The following KIRREL3 variants were observed in gnomAD, a reference collection of about 807,000 sequenced individuals.
The protein encoded by KIRREL3 is kirre like nephrin family adhesion molecule 3, also known as kin of IRRE-like protein 3.
Under a neutral mutation model 89.7 loss-of-function variants are expected in KIRREL3, and 36 were observed. The ratio of observed to expected loss-of-function variants is 0.40; its 90% confidence interval spans 0.31 to 0.53. The LOEUF (loss-of-function observed/expected upper bound fraction) is 0.53. Ranked by LOEUF, KIRREL3 falls within the 20% of genes least tolerant of loss-of-function variation. KIRREL3 has a pLI of 0.49. For missense variants in KIRREL3, 864 were observed against 1,056.6 expected, an observed-to-expected ratio of 0.82 and a Z score of 2.53; for synonymous variants, 445 against 441.4, an observed-to-expected ratio of 1.01 and a Z score of -0.10.
chr11:126,463,432 T>C lies in KIRREL3; in HGVS notation c.592-125A>G. The C allele has an allele frequency of 1.0e-6, 1 of 976,884 alleles. No homozygotes were observed. Among genetic ancestry groups the C allele is most frequent in the Non-Finnish European group, 1.5e-6 (1 of 668,230 alleles). The allele number at this position is 976,884 out of a possible 1,614,324, so 60.5% of individuals were successfully genotyped here. On this transcript the variant is annotated intron_variant, in intron 5 of 16. Coordinates refer to ENST00000525144, the MANE Select transcript of KIRREL3 (RefSeq NM_032531.4). This position sits in a 1 kb window ranked among gnomAD's most constrained non-coding sequence, Gnocchi z 5.9. The stretch of plus-strand genomic sequence containing the variant: ...GAGCTGTGGATGGAGGGGTTCAGCT[T>C]AGGAGACCTGGGCTGCCCATGTCTA...
chr11:126,440,343 GA>G (rs1321510971), intron 11 of KIRREL3, 105 bp downstream of exon 11: 1 of 964,440 alleles, frequency 1.0e-6, no homozygotes, highest in Non-Finnish European at 1.6e-6. Flanking sequence ...CAGCAAGAAA[GA>G]GGAACCTCGG....
In KIRREL3 at chr11:126,898,818, G is replaced by A. The variant is rs538973786; in HGVS notation, c.55+101637C>T. On this transcript the variant is annotated intron_variant, in intron 1 of 16. Coordinates refer to ENST00000525144, the MANE Select transcript of KIRREL3 (RefSeq NM_032531.4). The surrounding 1 kb of genome is among the most constrained non-coding windows in gnomAD (Gnocchi z 4.9). The stretch of plus-strand genomic sequence containing the variant: ...AAGCTGAGAAATATGACTAACTCAA[G>A]TCTTTGCAGCTTATATTCAATTTAA... Among the ~76,000 whole-genome samples the A allele has an allele frequency of 6.6e-6, 1 of 152,254 alleles. No homozygotes were observed. Among genetic ancestry groups the A allele is most frequent in the South Asian group, 2.1e-4 (1 of 4,822 alleles).
intron 2 of KIRREL3, among the ~76,000 whole-genome samples, chr11:126,539,311 A>C (rs987007071): frequency 2.6e-5 from 4 of 152,188 alleles, no homozygotes; most frequent in Admixed American, 6.5e-5. Context: ...GTACAGCGCA[A>C]ATCTAGAAAG....
At chr11:126,792,614 C>G (rs1450436290) in intron 1 of KIRREL3, among the ~76,000 whole-genome samples, 1 of 152,140 alleles carries the variant, frequency 6.6e-6, no homozygotes, top group Non-Finnish European at 1.5e-5. Context: ...TTGTTTATAA[C>G]AGAGCCCAGA....
rs553941722 is a variant in KIRREL3, at chr11:126,976,404, T to C, written c.55+24051A>G. ...GAGTGTTTATGAACCGTTACATTAA[T>C]CTCCTGCAGATTTTTTTCTGGAGAT... On this transcript the variant is annotated intron_variant, in intron 1 of 16. Transcript: ENST00000525144. The surrounding 1 kb of genome is among the most constrained non-coding windows in gnomAD (Gnocchi z 4.2). 6.6e-6 allele frequency among the ~76,000 whole-genome samples: 1 copy of C among 152,344 alleles called. No individual in the cohort carries two copies. The highest frequency in any genetic ancestry group is 1.5e-5 in the Non-Finnish European group (1 of 68,036).
At chr11:126,632,316 GAAA>G (rs1334983142) in intron 1 of KIRREL3, among the ~76,000 whole-genome samples, 20 of 152,328 alleles carry the variant, frequency 1.3e-4, no homozygotes, top group Non-Finnish European at 2.6e-4. Flanking sequence ...CCTGGGGTGA[GAAA>G]TTTGTGTATG....
Position 126,943,812 on chromosome 11 carries a change from CA to C in KIRREL3, c.55+56642del, listed in dbSNP as rs1363542369. 2.0e-5 allele frequency among the ~76,000 whole-genome samples: 3 copies of C among 152,136 alleles called. No individual in the cohort carries two copies. Among genetic ancestry groups the C allele is most frequent in the Non-Finnish European group, 4.4e-5 (3 of 68,022 alleles). ...GATACCCTATTTGAATGAGAGAAAACAAAGTGAGGAAACGGCTAATCTCAAG... is the reference window on the plus strand; with the variant it reads ...GATACCCTATTTGAATGAGAGAAAACAAGTGAGGAAACGGCTAATCTCAAG... On this transcript the variant is annotated intron_variant, in intron 1 of 16. Coordinates refer to ENST00000525144, the MANE Select transcript of KIRREL3 (RefSeq NM_032531.4). This position sits in a 1 kb window ranked among gnomAD's most constrained non-coding sequence, Gnocchi z 4.2.
intron 8 of KIRREL3, among the ~76,000 whole-genome samples, chr11:126,447,842 G>T (rs1433053448): frequency 6.6e-6 from 1 of 152,192 alleles, no homozygotes; most frequent in African/African-American, 2.4e-5. Context: ...AAGGGCAAGG[G>T]GGAGGGCCAG....
rs985331437 is a variant in KIRREL3, at chr11:126,905,296, A to G, written c.55+95159T>C. Among the ~76,000 whole-genome samples, 3 of 152,058 alleles carry G rather than the reference A, an allele frequency of 2.0e-5. No individual in the cohort carries two copies. The highest frequency in any genetic ancestry group is 7.2e-5 in the African/African-American group (3 of 41,380). ...TGCTTCCGGGGGGAGCTGCAAGCTGAGGGGCTGCACCAGGAATACAGGATT... is the reference window on the plus strand; with the variant it reads ...TGCTTCCGGGGGGAGCTGCAAGCTGGGGGGCTGCACCAGGAATACAGGATT... On this transcript the variant is annotated intron_variant, in intron 1 of 16. Transcript: ENST00000525144. The surrounding 1 kb of genome is among the most constrained non-coding windows in gnomAD (Gnocchi z 5.0).
chr11:126,912,278 G>A lies in KIRREL3; in HGVS notation c.55+88177C>T, dbSNP rs1169270483. On this transcript the variant is annotated intron_variant, in intron 1 of 16. Coordinates refer to ENST00000525144, the MANE Select transcript of KIRREL3 (RefSeq NM_032531.4). This position sits in a 1 kb window ranked among gnomAD's most constrained non-coding sequence, Gnocchi z 4.7. ...CACCTTCAAGCAGGCTAAACCGGCC[G>A]AGAGTGGCTCTGAGGACCTGCAGGT... Among the ~76,000 whole-genome samples the A allele has an allele frequency of 6.6e-6, 1 of 152,116 alleles. No homozygotes were observed. Among genetic ancestry groups the A allele is most frequent in the Non-Finnish European group, 1.5e-5 (1 of 68,026 alleles).
Position 126,620,542 on chromosome 11 carries a change from T to C in KIRREL3, c.56-57630A>G, listed in dbSNP as rs1447589735. ...ATGGGGTGCCTGTGCATGTGTGTTG[T>C]GTATGCATTTCTAGGAGGAGAGTCC... On this transcript the variant is annotated intron_variant, in intron 1 of 16. Coordinates refer to ENST00000525144, the MANE Select transcript of KIRREL3 (RefSeq NM_032531.4). This position sits in a 1 kb window ranked among gnomAD's most constrained non-coding sequence, Gnocchi z 4.8. Among the ~76,000 whole-genome samples, 1 of 152,206 alleles carries C rather than the reference T, an allele frequency of 6.6e-6. No homozygotes were observed. The highest frequency in any genetic ancestry group is 1.5e-5 in the Non-Finnish European group (1 of 68,034).
At chr11:126,759,600 G>A (rs1053009840) in intron 1 of KIRREL3, among the ~76,000 whole-genome samples, 1 of 152,222 alleles carries the variant, frequency 6.6e-6, no homozygotes, top group African/African-American at 2.4e-5. Context: ...TGCTGGCCAG[G>A]AAGATGGCCT....
chr11:126,658,756 G>T (rs560962564), intron 1 of KIRREL3, among the ~76,000 whole-genome samples: 22 of 151,976 alleles, frequency 1.4e-4, no homozygotes, highest in Non-Finnish European at 2.8e-4. Flanking sequence ...CTGCTCCTCC[G>T]CCAGACCCTG....
intron 1 of KIRREL3, among the ~76,000 whole-genome samples, chr11:126,801,392 C>T (rs7109451): frequency 0.24 from 36,864 of 152,020 alleles, 4,888 homozygotes; most frequent in Non-Finnish European, 0.31. Context: ...GTACAGTCAC[C>T]GATGGGGATG....
intron 1 of KIRREL3, among the ~76,000 whole-genome samples, chr11:126,845,225 AC>A (rs1329626283): frequency 6.6e-6 from 1 of 152,094 alleles, no homozygotes; most frequent in Non-Finnish European, 1.5e-5. Context: ...GCAGCTTGGC[AC>A]CCAGGGCTAT....
At position 126,985,336 on chromosome 11, in the gene KIRREL3, G is replaced by GA. The variant is rs1184131023; in HGVS notation, c.55+15118dup. Among the ~76,000 whole-genome samples the GA allele has an allele frequency of 6.6e-6, 1 of 152,136 alleles. No individual in the cohort carries two copies. The highest frequency in any genetic ancestry group is 1.9e-4 in the East Asian group (1 of 5,170). On this transcript the variant is annotated intron_variant, in intron 1 of 16. Coordinates refer to ENST00000525144, the MANE Select transcript of KIRREL3 (RefSeq NM_032531.4). This position sits in a 1 kb window ranked among gnomAD's most constrained non-coding sequence, Gnocchi z 5.3. The stretch of plus-strand genomic sequence containing the variant: ...AGTCCAACAAAGCCACTGCACGGTA[G>GA]ATGGAGGTGAGAAGGACCCAGCCCT...
intron 1 of KIRREL3, among the ~76,000 whole-genome samples, chr11:126,613,804 C>T (rs1943226930): frequency 6.6e-6 from 1 of 150,726 alleles, no homozygotes; most frequent in Non-Finnish European, 1.5e-5. Context: ...AAAACCCTTG[C>T]ATTACCTTGG....
At chr11:126,449,292 G>T in intron 7 of KIRREL3, 135 bp from the exon 8 acceptor site, 1 of 952,832 alleles carries the variant, frequency 1.0e-6, no homozygotes, top group Non-Finnish European at 1.6e-6. Flanking sequence ...GTCCGTCAAG[G>T]GGAATCTTCA....
At chr11:126,865,881 T>C (rs1482554135) in intron 1 of KIRREL3, among the ~76,000 whole-genome samples, 1 of 152,196 alleles carries the variant, frequency 6.6e-6, no homozygotes, top group African/African-American at 2.4e-5. Context: ...TTTTTAATTT[T>C]AACTTTGTTT....
Sources: gnomAD v4.1 joint callset for allele counts (sites outside exome capture counted in the v4.1 genomes callset) on GRCh38, gnomAD v4.1.1 for gene constraint, Gnocchi (gnomAD v3.1) non-coding constraint, MANE v1.5 for transcripts, NCBI Gene and HGNC (gene_info 2026-07-23, HGNC 2026-07-21) for gene names.